Variants in SLC38A3 observed in about 807,000 individuals in gnomAD.
SLC38A3 encodes the protein solute carrier family 38 member 3, also known as sodium-coupled neutral amino acid transporter 3.
In SLC38A3, 17 loss-of-function variants were observed where a neutral mutation model predicts 59.5. The observed-to-expected ratio is 0.29, with a 90% CI of 0.20 to 0.43. The LOEUF (loss-of-function observed/expected upper bound fraction) is 0.43. SLC38A3 is among the 20% of genes least tolerant of loss of function. The pLI is 1.00. For missense variants in SLC38A3, 454 were observed against 653.9 expected (o/e 0.69, Z 3.33); for synonymous variants, 238 against 260.3 (o/e 0.91, Z 0.82).
chr3:50,220,086 C>T lies in SLC38A3; in HGVS notation c.1424C>T (p.Ala475Val), dbSNP rs1575427993. Residue 475 changes from alanine to valine, a missense_variant, in exon 16 of 16, where the codon GCT (alanine) becomes GTT (valine). By Grantham distance (64) the Ala-to-Val change is moderately conservative (BLOSUM62 0). Around this residue, in one of 3 missense-constraint regions of SLC38A3, gnomAD observed 59 missense variants for 70.8 expected, o/e 0.83. Transcript: ENST00000614032. ...CTGATTCCACAGGCCCTGTGTTTTG[C>T]TATGCTTGGCTTCTTGCTGATGACC... Reference protein sequence around the residue: ...STPKILALCFAMLGFLLMTMS... With the variant: ...STPKILALCFVMLGFLLMTMS... 6.2e-7 allele frequency: 1 copy of T among 1,606,208 alleles called. No homozygotes were observed. Among genetic ancestry groups the T allele is most frequent in the African/African-American group, 1.3e-5 (1 of 74,912 alleles).
At chr3:50,211,101 G>A (rs1699720021) in intron 1 of SLC38A3, among the ~76,000 whole-genome samples, 1 of 152,220 alleles carries the variant, frequency 6.6e-6, no homozygotes. Flanking sequence ...GTCTACTCTG[G>A]GCTTTCACCA....
chr3:50,209,604 A>C (rs895510884), intron 1 of SLC38A3, among the ~76,000 whole-genome samples: 5 of 151,500 alleles, frequency 3.3e-5, no homozygotes, highest in African/African-American at 1.2e-4. Flanking sequence ...AGCCGAGATC[A>C]CGCCACTGCA....
chr3:50,214,634 C>T lies in SLC38A3; in HGVS notation c.184-19C>T, dbSNP rs771271929. Reference sequence around the variant, plus strand: ...TGCTGACTCCTCCCACCCTCCCCGTCCCATTCTGGTGCCTGCAGTTCGAGG... The same window carrying T: ...TGCTGACTCCTCCCACCCTCCCCGTTCCATTCTGGTGCCTGCAGTTCGAGG... On this transcript the variant is annotated intron_variant, in intron 3 of 15. Coordinates refer to ENST00000614032, the MANE Select transcript of SLC38A3 (RefSeq NM_006841.6). The surrounding 1 kb of genome is among the most constrained non-coding windows in gnomAD (Gnocchi z 6.0). The T allele has an allele frequency of 4.0e-6, 6 of 1,514,672 alleles. No individual in the cohort carries two copies. In the South Asian group the frequency reaches 5.7e-5, roughly 14 times the overall value. 93.8% of individuals were successfully genotyped at this position (1,514,672 alleles called of 1,614,324 possible). A position where few individuals can be genotyped will look rare whatever the true frequency, so the allele number is the denominator to read the frequency against.
Position 50,217,635 on chromosome 3 carries a change from A to G in SLC38A3, c.691-41A>G, listed in dbSNP as rs1442851556. On this transcript the variant is annotated intron_variant, in intron 9 of 15. Coordinates refer to ENST00000614032, the MANE Select transcript of SLC38A3 (RefSeq NM_006841.6). The surrounding 1 kb of genome is among the most constrained non-coding windows in gnomAD (Gnocchi z 4.9). ...TTCATGGTGACTTCCCAGGCAGTCC[A>G]GCCTGGGAGTCTCTGACACCCTCAT... is the stretch of plus-strand genomic sequence containing the variant. 2.5e-6 allele frequency: 4 copies of G among 1,606,362 alleles called. No homozygotes were observed. Among genetic ancestry groups the G allele is most frequent in the Non-Finnish European group, 3.4e-6 (4 of 1,174,674 alleles).
rs1699881129 is a variant in SLC38A3, at chr3:50,220,395, C to G, written c.*218C>G. The G allele has an allele frequency of 3.5e-6, 2 of 565,142 alleles. No homozygotes were observed. Among genetic ancestry groups the G allele is most frequent in the South Asian group, 4.0e-5 (2 of 49,508 alleles). 35.0% of individuals were successfully genotyped at this position (565,142 alleles called of 1,614,324 possible). The stretch of plus-strand genomic sequence containing the variant: ...CTGCTAGGCTCTGGAGCTGTAGAGG[C>G]TTCCTGAACTGGGAGCAGGGTAGGG... On this transcript the variant is annotated 3_prime_UTR_variant, in exon 16 of 16. Transcript: ENST00000614032.
Position 50,218,455 on chromosome 3 carries a change from G to C in SLC38A3, c.1036+85G>C. 1 of 1,529,056 alleles carries C rather than the reference G, an allele frequency of 6.5e-7. No individual in the cohort carries two copies. Among genetic ancestry groups the C allele is most frequent in the Non-Finnish European group, 9.0e-7 (1 of 1,105,030 alleles). The allele number at this position is 1,529,056 out of a possible 1,614,324, so 94.7% of individuals were successfully genotyped here. On this transcript the variant is annotated intron_variant, in intron 12 of 15. Coordinates refer to ENST00000614032, the MANE Select transcript of SLC38A3 (RefSeq NM_006841.6). This position sits in a 1 kb window ranked among gnomAD's most constrained non-coding sequence, Gnocchi z 5.8. ...GCCATGGTGCCCTCCATACCGAGGC[G>C]TGTGGTGCCTGGCTGTGCCTTGCCG...
At position 50,214,156 on chromosome 3, in the gene SLC38A3, A is replaced by G. The variant is rs1699779871; in HGVS notation, c.-44A>G. On this transcript the variant is annotated 5_prime_UTR_variant, in exon 2 of 16. Transcript: ENST00000614032. This position sits in a 1 kb window ranked among gnomAD's most constrained non-coding sequence, Gnocchi z 6.0. The stretch of plus-strand genomic sequence containing the variant: ...GGACCGGCTGCTCTGCAGACATCTG[A>G]CTGTTGGTGTGAGACCAGTGCTCCT... 1 of 1,576,914 alleles carries G rather than the reference A, an allele frequency of 6.3e-7. No individual in the cohort carries two copies.
rs1363548832 is a variant in SLC38A3 at position 50,217,818 on chromosome 3, G to T, written c.833G>T (p.Ser278Ile). 6.2e-7 allele frequency: 1 copy of T among 1,613,950 alleles called. No homozygotes were observed. Among genetic ancestry groups the T allele is most frequent in the Non-Finnish European group, 8.5e-7 (1 of 1,179,912 alleles). The change falls in exon 10 of 16, where the codon AGC (serine) becomes ATC (isoleucine). Residue 278 changes from serine (S) to isoleucine (I), a missense_variant. This residue lies in a region of SLC38A3 where 390 missense variants were observed against 557.9 expected (regional missense o/e 0.70). Coordinates refer to ENST00000614032, the MANE Select transcript of SLC38A3 (RefSeq NM_006841.6). The surrounding 1 kb of genome is among the most constrained non-coding windows in gnomAD (Gnocchi z 4.9). The stretch of plus-strand genomic sequence containing the variant: ...GAGGCTTCAGCCTTCTGCACTCCCA[G>T]CTACTTCACGCTCAACTCACAGGTT... The part of the protein sequence containing the change: ...EPEASAFCTP[S>I]YFTLNSQTAY...
At chr3:50,210,368 C>T (rs1699706829) in intron 1 of SLC38A3, among the ~76,000 whole-genome samples, 2 of 152,152 alleles carry the variant, frequency 1.3e-5, no homozygotes, top group South Asian at 4.1e-4. Context: ...GAGATCTTGG[C>T]GGAGGTCAGG....
Position 50,215,347 on chromosome 3 carries a change from A to G in SLC38A3, c.300-39A>G. The G allele has an allele frequency of 1.9e-6, 3 of 1,591,154 alleles. No homozygotes were observed. The highest frequency in any genetic ancestry group is 2.6e-6 in the Non-Finnish European group (3 of 1,159,380). ...CCTCTGCCAGCCACGGTAGCCCCCC[A>G]GTGGCCTCTTTTTCTTCCATCTTCC... On this transcript the variant is annotated intron_variant, in intron 4 of 15. Coordinates refer to ENST00000614032, the MANE Select transcript of SLC38A3 (RefSeq NM_006841.6). The surrounding 1 kb of genome is among the most constrained non-coding windows in gnomAD (Gnocchi z 7.1).
intron 14 of SLC38A3, 106 bp downstream of exon 14, chr3:50,219,054 C>A (rs1699864098): frequency 7.2e-7 from 1 of 1,390,182 alleles, no homozygotes; most frequent in Non-Finnish European, 9.8e-7. Context: ...AGTGCAGTGG[C>A]CATGTGCACA....
chr3:50,220,262 G>C lies in SLC38A3; in HGVS notation c.*85G>C. The C allele has an allele frequency of 9.6e-7, 1 of 1,040,304 alleles. No homozygotes were observed. The highest frequency in any genetic ancestry group is 1.4e-6 in the Non-Finnish European group (1 of 692,218). 64.4% of individuals were successfully genotyped at this position (1,040,304 alleles called of 1,614,324 possible). A position where few individuals can be genotyped will look rare whatever the true frequency, so the allele number is the denominator to read the frequency against. On this transcript the variant is annotated 3_prime_UTR_variant, in exon 16 of 16. Coordinates refer to ENST00000614032, the MANE Select transcript of SLC38A3 (RefSeq NM_006841.6). ...CCTGCTCCCATCCAGTGGCCAGTCGGGGGAGGAGAAAGACGCGATTAACAC... is the reference window on the plus strand; with the variant it reads ...CCTGCTCCCATCCAGTGGCCAGTCGCGGGAGGAGAAAGACGCGATTAACAC...
intron 1 of SLC38A3, among the ~76,000 whole-genome samples, chr3:50,208,984 C>G (rs566557769): frequency 6.6e-6 from 1 of 152,296 alleles, no homozygotes; most frequent in South Asian, 2.1e-4. Flanking sequence ...CTGAACTGCC[C>G]GAGGCCTGTG....
intron 7 of SLC38A3, among the ~76,000 whole-genome samples, chr3:50,216,995 G>A (rs1219511886): frequency 6.6e-6 from 1 of 152,076 alleles, no homozygotes; most frequent in African/African-American, 2.4e-5. Flanking sequence ...GGCTGGTCTC[G>A]AACTCCTGAC....
chr3:50,213,110 G>C (rs1699756213), intron 1 of SLC38A3, among the ~76,000 whole-genome samples: 2 of 152,210 alleles, frequency 1.3e-5, no homozygotes, highest in African/African-American at 4.8e-5. Context: ...TGGGCAGCGG[G>C]CAGGGGTGGT....
Position 50,220,108 on chromosome 3 carries a change from G to T in SLC38A3, c.1446G>T (p.Met482Ile). The T allele has an allele frequency of 6.2e-7, 1 of 1,607,444 alleles. No homozygotes were observed. The highest frequency in any genetic ancestry group is 1.1e-5 in the South Asian group (1 of 89,696). ...TTGCTATGCTTGGCTTCTTGCTGAT[G>T]ACCATGAGCTTGAGCTTCATCATCA... is the stretch of plus-strand genomic sequence containing the variant. The part of the protein sequence containing the change: ...LCFAMLGFLL[M>I]TMSLSFIIID... Residue 482 changes from methionine to isoleucine, a missense_variant, in exon 16 of 16, where the codon ATG becomes ATT. Physicochemically the swap from Met to Ile is conservative, Grantham distance 10. Transcript: ENST00000614032.
At position 50,215,223 on chromosome 3, in the gene SLC38A3, A is replaced by T. The variant is rs1699800300; in HGVS notation, c.300-163A>T. Reference sequence around the variant, plus strand: ...CCCTGGATCAAAGGGGGTGGTGTTCATCACCCCTGGGGCCTGCTGAGCTGG... The same window carrying T: ...CCCTGGATCAAAGGGGGTGGTGTTCTTCACCCCTGGGGCCTGCTGAGCTGG... On this transcript the variant is annotated intron_variant, in intron 4 of 15. Transcript: ENST00000614032. The surrounding 1 kb of genome is among the most constrained non-coding windows in gnomAD (Gnocchi z 7.1). 4.7e-6 allele frequency: 3 copies of T among 639,856 alleles called. No homozygotes were observed. In the Admixed American group the frequency reaches 8.1e-5, roughly 17 times the overall value. The allele number at this position is 639,856 out of a possible 1,614,324, so 39.6% of individuals were successfully genotyped here.
intron 1 of SLC38A3, among the ~76,000 whole-genome samples, chr3:50,213,084 G>A (rs531571300): frequency 5.1e-4 from 77 of 152,316 alleles, no homozygotes; most frequent in African/African-American, 1.8e-3. Context: ...TGGGAGAGAG[G>A]GGCCAGTGAG....
In SLC38A3 at chr3:50,219,933, C is replaced by A. The variant is rs1699873720; in HGVS notation, c.1359C>A (p.Phe453Leu). The change falls in exon 15 of 16, where the codon TTC becomes TTA. Residue 453 changes from phenylalanine (F) to leucine (L), a missense_variant. Physicochemically the swap from Phe to Leu is conservative, Grantham distance 22. Coordinates refer to ENST00000614032, the MANE Select transcript of SLC38A3 (RefSeq NM_006841.6). ...LIFIFPAIFY[F>L]RIMPTEKEPA... The stretch of plus-strand genomic sequence containing the variant: ...TCATCTTCCCTGCCATCTTCTACTT[C>A]CGAATCATGCCCACGGAGAAGGAGC... 1.9e-6 allele frequency: 3 copies of A among 1,613,498 alleles called. No individual in the cohort carries two copies. The highest frequency in any genetic ancestry group is 2.5e-6 in the Non-Finnish European group (3 of 1,179,704).
Sources: allele counts gnomAD v4.1 joint callset (sites outside exome capture counted in the v4.1 genomes callset), GRCh38; gene constraint gnomAD v4.1.1; regional missense constraint gnomAD v4.1.1; non-coding constraint Gnocchi (gnomAD v3.1); transcripts MANE v1.5; gene names NCBI Gene and HGNC (gene_info 2026-07-23, HGNC 2026-07-21).